Variants in NKAIN2 observed in about 807,000 individuals in gnomAD.
The protein encoded by NKAIN2 is sodium/potassium-transporting ATPase subunit beta-1-interacting protein 2.
NKAIN2 carries 14 observed loss-of-function variants against 32.6 expected under a neutral mutation model. That is an observed-to-expected ratio of 0.43 (90% CI 0.28 to 0.67). The LOEUF is 0.67. NKAIN2 is among the 30% of genes least tolerant of loss of function. The pLI, the probability that NKAIN2 is intolerant of heterozygous loss-of-function variation, is 0.17. For synonymous variants in NKAIN2, 80 were observed against 87.2 expected, an observed-to-expected ratio of 0.92 and a Z score of 0.46; for missense variants, 198 against 258.3, an observed-to-expected ratio of 0.77 and a Z score of 1.60.
chr6:124,369,607 T>C (rs1044559339), intron 3 of NKAIN2, among the ~76,000 whole-genome samples: 4 of 152,056 alleles, frequency 2.6e-5, no homozygotes, highest in African/African-American at 9.7e-5. Context: ...CCCAAGACAA[T>C]TACTTTTCTT....
chr6:124,593,151 G>T (rs533160036), intron 3 of NKAIN2, among the ~76,000 whole-genome samples: 6 of 151,998 alleles, frequency 3.9e-5, no homozygotes, highest in Non-Finnish European at 7.4e-5. Flanking sequence ...TTGAAATTTA[G>T]ATTTACTCTA....
chr6:123,865,241 T>C (rs1285241635), intron 1 of NKAIN2, among the ~76,000 whole-genome samples: 1 of 152,128 alleles, frequency 6.6e-6, no homozygotes, highest in East Asian at 1.9e-4. Context: ...GGTAATTTTA[T>C]CCTGGTGCTT....
At chr6:124,697,770 G>A (rs1221254159) in intron 4 of NKAIN2, among the ~76,000 whole-genome samples, 1 of 152,138 alleles carries the variant, frequency 6.6e-6, no homozygotes, top group Non-Finnish European at 1.5e-5. Context: ...ACAGGGATCA[G>A]CAAAAGATGT....
At chr6:124,680,776 C>T (rs1009275139) in intron 4 of NKAIN2, among the ~76,000 whole-genome samples, 4 of 151,846 alleles carry the variant, frequency 2.6e-5, no homozygotes, top group East Asian at 1.9e-4. Context: ...ATAATATTTG[C>T]GCTGAGACAG....
chr6:123,983,658 C>G (rs1463559447), intron 1 of NKAIN2, among the ~76,000 whole-genome samples: 1 of 152,014 alleles, frequency 6.6e-6, no homozygotes, highest in East Asian at 1.9e-4. Flanking sequence ...CACCTCTTGT[C>G]TGATTATCAA....
At chr6:124,703,435 A>C (rs1774899184) in intron 4 of NKAIN2, among the ~76,000 whole-genome samples, 1 of 152,030 alleles carries the variant, frequency 6.6e-6, no homozygotes, top group Non-Finnish European at 1.5e-5. Context: ...TATAGCACAA[A>C]ATTCTGATAT....
intron 1 of NKAIN2, among the ~76,000 whole-genome samples, chr6:123,947,999 A>G (rs1484312948): frequency 1.3e-5 from 2 of 152,064 alleles, no homozygotes; most frequent in Non-Finnish European, 2.9e-5. Context: ...TCCATATATG[A>G]GTGAGAACAT....
intron 1 of NKAIN2, among the ~76,000 whole-genome samples, chr6:123,859,452 G>A (rs747774426): frequency 6.6e-5 from 10 of 151,948 alleles, no homozygotes; most frequent in South Asian, 2.1e-4. Context: ...TAGACACACC[G>A]AGAATACATT....
intron 1 of NKAIN2, among the ~76,000 whole-genome samples, chr6:124,075,719 C>T (rs191596341): frequency 6.6e-6 from 1 of 152,206 alleles, no homozygotes; most frequent in African/African-American, 2.4e-5. Flanking sequence ...CCTCAGCCTC[C>T]CAAGTAGCTG....
At chr6:124,271,067 G>A (rs1164553740) in intron 1 of NKAIN2, among the ~76,000 whole-genome samples, 1 of 152,142 alleles carries the variant, frequency 6.6e-6, no homozygotes, top group East Asian at 1.9e-4. Flanking sequence ...AGTTTTCACA[G>A]ATCTGATGGA....
chr6:124,797,169 CAAAAAA>C (rs563319426), intron 5 of NKAIN2, among the ~76,000 whole-genome samples: 4 of 87,126 alleles, frequency 4.6e-5, no homozygotes, highest in African/African-American at 1.9e-4. Context: ...TCCATGTTAG[CAAAAAA>C]AAAAAAAAAA....
chr6:124,238,699 A>C (rs1792912411), intron 1 of NKAIN2, among the ~76,000 whole-genome samples: 1 of 152,172 alleles, frequency 6.6e-6, no homozygotes, highest in Non-Finnish European at 1.5e-5. Context: ...GCAAAGGAGA[A>C]ATAAAATCCT....
intron 4 of NKAIN2, among the ~76,000 whole-genome samples, chr6:124,677,932 C>T (rs1773439764): frequency 6.6e-6 from 1 of 151,964 alleles, no homozygotes; most frequent in South Asian, 2.1e-4. Context: ...TTTTCTTTAT[C>T]CAGGAATGTC....
chr6:123,957,685 A>T (rs1274443088), intron 1 of NKAIN2, among the ~76,000 whole-genome samples: 2 of 152,204 alleles, frequency 1.3e-5, no homozygotes, highest in African/African-American at 4.8e-5. Context: ...GGCTTGTTAC[A>T]CAATAGGAAT....
intron 1 of NKAIN2, among the ~76,000 whole-genome samples, chr6:124,267,238 T>C (rs944172878): frequency 6.6e-6 from 1 of 152,082 alleles, no homozygotes; most frequent in African/African-American, 2.4e-5. Flanking sequence ...GACAAGAAAA[T>C]TGCTTGATTA....
intron 1 of NKAIN2, among the ~76,000 whole-genome samples, chr6:123,851,244 ATTTTTT>A (rs59287833): frequency 1.4e-3 from 126 of 88,194 alleles, no homozygotes; most frequent in Middle Eastern, 0.012. Context: ...TGGTGGTTCT[ATTTTTT>A]TTTTTTTTTT....
intron 5 of NKAIN2, among the ~76,000 whole-genome samples, chr6:124,810,935 G>C (rs200099656): frequency 7.0e-6 from 1 of 142,038 alleles, no homozygotes; most frequent in East Asian, 2.1e-4. Context: ...AAAAAAAAAA[G>C]CTCAGAGTCC....
chr6:124,356,898 A>T (rs1049622806), intron 3 of NKAIN2, among the ~76,000 whole-genome samples: 2 of 152,234 alleles, frequency 1.3e-5, no homozygotes, highest in Non-Finnish European at 2.9e-5. Flanking sequence ...ATATGGCCTG[A>T]GTAAAATGAT....
At chr6:123,868,593 T>G (rs952643036) in intron 1 of NKAIN2, among the ~76,000 whole-genome samples, 2 of 152,184 alleles carry the variant, frequency 1.3e-5, no homozygotes, top group African/African-American at 2.4e-5. Context: ...ACTGATTTGA[T>G]GAATATGAAT....
Sources: gnomAD v4.1 joint callset for allele counts (sites outside exome capture counted in the v4.1 genomes callset) on GRCh38, gnomAD v4.1.1 for gene constraint, MANE v1.5 for transcripts, NCBI Gene and HGNC (gene_info 2026-07-23, HGNC 2026-07-21) for gene names.